Variants in OR52I2 observed in about 807,000 individuals in gnomAD.
The protein encoded by OR52I2 is olfactory receptor 52I2.
For synonymous variants in OR52I2, 147 were observed against 151.9 expected, an observed-to-expected ratio of 0.97 and a Z score of 0.24; for missense variants, 350 against 402.4, an observed-to-expected ratio of 0.87 and a Z score of 1.11.
At chr11:4,586,590 T>C (rs1285369067) in intron 1 of OR52I2, among the ~76,000 whole-genome samples, 1 of 152,102 alleles carries the variant, frequency 6.6e-6, no homozygotes, top group Non-Finnish European at 1.5e-5. Context: ...GGAGATTGTA[T>C]GAAAGCTCAG....
chr11:4,582,572 T>C (rs1274580523), intron 1 of OR52I2, among the ~76,000 whole-genome samples: 1 of 151,142 alleles, frequency 6.6e-6, no homozygotes, highest in Non-Finnish European at 1.5e-5. Context: ...CCTGAGTAGC[T>C]GGGACTACAG....
At chr11:4,592,297 T>A (rs1389157777) in exon 2 of OR52I2, 1 of 152,200 alleles carries the variant, frequency 6.6e-6, no homozygotes, top group African/African-American at 2.4e-5. Flanking sequence ...GAGAGTTACA[T>A]AATTTGACTG....
chr11:4,589,662 G>T (rs1846336216), exon 2 of OR52I2: 1 of 152,138 alleles, frequency 6.6e-6, no homozygotes, highest in African/African-American at 2.4e-5. Flanking sequence ...GGGTAGGTAT[G>T]ATATTGGCAT....
chr11:4,590,473 T>C (rs2133189626), exon 2 of OR52I2: 1 of 152,298 alleles, frequency 6.6e-6, no homozygotes, highest in African/African-American at 2.4e-5. Flanking sequence ...CCAGCAACGC[T>C]AATTGAGAAG....
At chr11:4,591,280 G>A in exon 2 of OR52I2, 1 of 152,200 alleles carries the variant, frequency 6.6e-6, no homozygotes, top group East Asian at 1.9e-4. Context: ...GAGGTAGCTT[G>A]AGACAGTATC....
At chr11:4,584,658 A>G (rs1446194171) in intron 1 of OR52I2, among the ~76,000 whole-genome samples, 3 of 152,168 alleles carry the variant, frequency 2.0e-5, no homozygotes, top group Non-Finnish European at 4.4e-5. Flanking sequence ...AAACAAAAAA[A>G]AATAGCAAGC....
chr11:4,590,043 T>C (rs181878477), exon 2 of OR52I2: 10 of 152,254 alleles, frequency 6.6e-5, no homozygotes, highest in Admixed American at 2.6e-4. Context: ...GGGCTGAAAA[T>C]AGATCTTAGG....
intron 1 of OR52I2, among the ~76,000 whole-genome samples, chr11:4,582,433 C>CTTTT (rs1564859030): frequency 4.3e-4 from 32 of 74,648 alleles, no homozygotes; most frequent in Admixed American, 7.7e-4. Flanking sequence ...ATTTATTTTT[C>CTTTT]ATTTTTTTTT....
exon 2 of OR52I2, chr11:4,590,131 G>T (rs1564861011): frequency 6.6e-6 from 1 of 152,180 alleles, no homozygotes; most frequent in Non-Finnish European, 1.5e-5. Context: ...AACCTCAGTA[G>T]TGCCTATGTA....
intron 1 of OR52I2, among the ~76,000 whole-genome samples, chr11:4,586,575 C>G (rs11819978): frequency 6.6e-6 from 1 of 151,928 alleles, no homozygotes; most frequent in South Asian, 2.1e-4. Flanking sequence ...TCTGAGGTCA[C>G]GATGGGAGAT....
exon 2 of OR52I2, chr11:4,590,259 T>C (rs934375658): frequency 6.6e-6 from 1 of 152,176 alleles, no homozygotes; most frequent in African/African-American, 2.4e-5. Context: ...GAGCAGGCAG[T>C]TGTGTTAAAT....
At chr11:4,588,000 G>A in exon 2 of OR52I2, 1 of 722,594 alleles carries the variant, frequency 1.4e-6, no homozygotes, top group East Asian at 2.6e-5. Context: ...ATTACTAGCA[G>A]GAATGTGAAT....
chr11:4,587,119 A>T, exon 2 of OR52I2: 1 of 1,614,154 alleles, frequency 6.2e-7, no homozygotes, highest in Non-Finnish European at 8.5e-7. Flanking sequence ...GGACATTGTT[A>T]TGGCCTCCTC....
chr11:4,587,147 T>C, exon 2 of OR52I2: 1 of 1,614,200 alleles, frequency 6.2e-7, no homozygotes, highest in Non-Finnish European at 8.5e-7. Context: ...CCCAAGATGG[T>C]GAGCATCTTC....
chr11:4,590,953 G>C (rs1023694401), exon 2 of OR52I2: 1 of 152,030 alleles, frequency 6.6e-6, no homozygotes, highest in Non-Finnish European at 1.5e-5. Flanking sequence ...TTTTATTTTT[G>C]GTTTGTTTCA....
chr11:4,582,710 C>T (rs1846268011), intron 1 of OR52I2, among the ~76,000 whole-genome samples: 1 of 152,124 alleles, frequency 6.6e-6, no homozygotes, highest in Non-Finnish European at 1.5e-5. Flanking sequence ...GCTGGGATTA[C>T]AGGCTGAGCC....
chr11:4,592,660 C>G (rs1009141848), exon 2 of OR52I2: 1 of 152,124 alleles, frequency 6.6e-6, no homozygotes, highest in African/African-American at 2.4e-5. Flanking sequence ...GAGAGAGTAA[C>G]TAAACAGCTA....
At position 4,583,327 on chromosome 11, in the gene OR52I2, G is replaced by A. The variant is rs935880734; in HGVS notation, c.-20+1463G>A. Among the ~76,000 whole-genome samples, 10 of 152,212 alleles carry A rather than the reference G, an allele frequency of 6.6e-5. No individual in the cohort carries two copies. In the East Asian group the frequency reaches 1.5e-3, roughly 24 times the overall value. On this transcript the variant is annotated intron_variant, in intron 1 of 1. Coordinates refer to ENST00000641896, the Ensembl canonical transcript of OR52I2. ...AAAGGTATGCCCAGTTAGTTTCCAGGGCTGGTGAGAGGAGGGATGAGGCAA... is the reference window on the plus strand; with the variant it reads ...AAAGGTATGCCCAGTTAGTTTCCAGAGCTGGTGAGAGGAGGGATGAGGCAA...
At chr11:4,593,094 T>G (rs993478796) in exon 2 of OR52I2, 9 of 152,262 alleles carry the variant, frequency 5.9e-5, no homozygotes, top group Admixed American at 3.3e-4. Context: ...TTATGAATAC[T>G]ACACTTTTAA....
Sources: gnomAD v4.1 joint callset for allele counts (sites outside exome capture counted in the v4.1 genomes callset) on GRCh38, gnomAD v4.1.1 for gene constraint, MANE v1.5 for transcripts, NCBI Gene and HGNC (gene_info 2026-07-23, HGNC 2026-07-21) for gene names.